The following OGN variants were observed in gnomAD, a reference collection of about 807,000 sequenced individuals.
OGN encodes the protein mimecan.
A neutral mutation model predicts 30.8 loss-of-function variants in OGN; 19 were observed. The ratio of observed to expected loss-of-function variants is 0.62; its 90% CI spans 0.43 to 0.90. The LOEUF is 0.90. OGN is among the 40% of genes least tolerant of loss of function. OGN has a pLI of 0.00. For missense variants in OGN, 283 were observed against 349.7 expected, an observed-to-expected ratio of 0.81 and a Z score of 1.52; for synonymous variants, 126 against 128.3, an observed-to-expected ratio of 0.98 and a Z score of 0.12.
At position 92,385,523 on chromosome 9, in the gene OGN, A is replaced by G. The variant is rs1842383071; in HGVS notation, c.*97T>C. 1.0e-6 allele frequency: 1 copy of G among 1,001,704 alleles called. No homozygotes were observed. The highest frequency in any genetic ancestry group is 2.5e-5 in the Admixed American group (1 of 40,750). 62.1% of individuals were successfully genotyped at this position (1,001,704 alleles called of 1,614,324 possible). ...TTAAATTCCTTCAAAATGAGATACA[A>G]GGTTAATATTAAACCAATACTTAAG... On this transcript the variant is annotated 3_prime_UTR_variant, in exon 7 of 7. Transcript: ENST00000375561.
chr9:92,392,469 A>G (rs1266589110), intron 4 of OGN, among the ~76,000 whole-genome samples: 2 of 152,036 alleles, frequency 1.3e-5, no homozygotes, highest in African/African-American at 4.8e-5. Context: ...TAAAAATACA[A>G]ATATTAGCCA....
intron 2 of OGN, among the ~76,000 whole-genome samples, chr9:92,403,017 A>G (rs1202220866): frequency 4.6e-5 from 7 of 152,160 alleles, no homozygotes; most frequent in Admixed American, 3.3e-4. Context: ...TTTGGTTACT[A>G]TAGATACTGT....
chr9:92,392,799 G>A (rs1170582671), intron 4 of OGN, among the ~76,000 whole-genome samples: 1 of 152,192 alleles, frequency 6.6e-6, no homozygotes, highest in Non-Finnish European at 1.5e-5. Flanking sequence ...AGTGTCTGAA[G>A]CAAGGGATCT....
chr9:92,403,473 C>T lies in OGN; in HGVS notation c.-66G>A. On this transcript the variant is annotated 5_prime_UTR_variant, in exon 2 of 7. Coordinates refer to ENST00000375561, the MANE Select transcript of OGN (RefSeq NM_014057.5). ...GGCCTGCTGACTGTGGGACAAAACT[C>T]TCTTTTTCCCTGGAAATAAAAATTC... The T allele has an allele frequency of 2.0e-6, 3 of 1,514,828 alleles. No homozygotes were observed. Among genetic ancestry groups the T allele is most frequent in the African/African-American group, 1.4e-5 (1 of 71,372 alleles). The allele number at this position is 1,514,828 out of a possible 1,614,324, so 93.8% of individuals were successfully genotyped here.
intron 3 of OGN, among the ~76,000 whole-genome samples, chr9:92,400,611 T>A (rs1369158877): frequency 6.6e-6 from 1 of 152,192 alleles, no homozygotes; most frequent in Non-Finnish European, 1.5e-5. Flanking sequence ...TGTGATAGAG[T>A]AAGAGTAAGC....
Position 92,385,651 on chromosome 9 carries a change from A to T in OGN, c.866T>A (p.Leu289Ter). ...LGKHPNSFIC[L>*]KRLPIGSYF ...GTATGACCCTATCGGTAATCTTTTT[A>T]AGCAAATAAAACTGTTTGGATGCTT... is the stretch of plus-strand genomic sequence containing the variant. The change falls in exon 7 of 7, where the codon TTA becomes TAA. Residue 289 changes from leucine (L) to a stop codon, truncating the protein, a stop_gained. Coordinates refer to ENST00000375561, the MANE Select transcript of OGN (RefSeq NM_014057.5). LOFTEE classifies it high-confidence loss of function. 6.2e-7 allele frequency: 1 copy of T among 1,614,176 alleles called. No individual in the cohort carries two copies. Among genetic ancestry groups the T allele is most frequent in the East Asian group, 2.2e-5 (1 of 44,884 alleles).
intron 4 of OGN, among the ~76,000 whole-genome samples, chr9:92,390,430 T>C (rs1392042831): frequency 6.6e-6 from 1 of 152,212 alleles, no homozygotes; most frequent in Non-Finnish European, 1.5e-5. Context: ...TTTTATTTTT[T>C]TGCTGGCATG....
chr9:92,390,103 A>G lies in OGN; in HGVS notation c.428-47T>C, dbSNP rs981787701. 19 of 1,109,674 alleles carry G rather than the reference A, an allele frequency of 1.7e-5. No homozygotes were observed. The Admixed American group carries it at 2.7e-4, about 16-fold the overall frequency. 68.7% of individuals were successfully genotyped at this position (1,109,674 alleles called of 1,614,324 possible). ...AAACAACTACGTAAGTAAAATTCTT[A>G]TTGTATGGACTGAAGAAAAGCATTT... On this transcript the variant is annotated intron_variant, in intron 4 of 6. Coordinates refer to ENST00000375561, the MANE Select transcript of OGN (RefSeq NM_014057.5).
chr9:92,393,692 C>T (rs1842779071), intron 3 of OGN, among the ~76,000 whole-genome samples: 1 of 152,092 alleles, frequency 6.6e-6, no homozygotes, highest in Admixed American at 6.5e-5. Context: ...CCTTTAGCAC[C>T]CCAAGTCATT....
chr9:92,393,807 C>A (rs550098099), intron 3 of OGN, among the ~76,000 whole-genome samples: 1 of 148,018 alleles, frequency 6.8e-6, no homozygotes, highest in East Asian at 2.0e-4. Flanking sequence ...GTTTAGTTTT[C>A]TTTTTCAGGG....
rs1588104770 is a variant in OGN at position 92,403,500 on chromosome 9, G to T, written c.-75-18C>A. ...CTTTTTCCCTGGAAATAAAAATTCA[G>T]ACCATCGAAGCAATATTTAAAAGCT... On this transcript the variant is annotated intron_variant, in intron 1 of 6. Transcript: ENST00000375561. The T allele has an allele frequency of 3.4e-6, 5 of 1,483,224 alleles. No homozygotes were observed. The highest frequency in any genetic ancestry group is 4.5e-6 in the Non-Finnish European group (5 of 1,119,570). 91.9% of individuals were successfully genotyped at this position (1,483,224 alleles called of 1,614,324 possible). A position where few individuals can be genotyped will look rare whatever the true frequency, so the allele number is the denominator to read the frequency against.
intron 4 of OGN, among the ~76,000 whole-genome samples, chr9:92,391,522 C>G (rs1315399153): frequency 6.6e-6 from 1 of 152,072 alleles, no homozygotes; most frequent in Non-Finnish European, 1.5e-5. Context: ...TCCCTTGAAC[C>G]CAGGAGGCAG....
Position 92,385,641 on chromosome 9 carries a change from T to C in OGN, c.876A>G (p.Leu292=). The C allele has an allele frequency of 6.2e-7, 1 of 1,614,136 alleles. No homozygotes were observed. The highest frequency in any genetic ancestry group is 8.5e-7 in the Non-Finnish European group (1 of 1,179,966). The change falls in exon 7 of 7, where the codon TTA becomes TTG. Residue 292 remains leucine (L), a synonymous_variant. Transcript: ENST00000375561. ...HPNSFICLKR[L]PIGSYF is the part of the protein sequence containing the mutation. ...GAGGTTAAAAGTATGACCCTATCGGTAATCTTTTTAAGCAAATAAAACTGT... is the reference window on the plus strand; with the variant it reads ...GAGGTTAAAAGTATGACCCTATCGGCAATCTTTTTAAGCAAATAAAACTGT...
rs888505213 is a variant in OGN at position 92,384,136 on chromosome 9, A to G, written c.*1484T>C. 5 of 152,214 alleles carry G rather than the reference A, an allele frequency of 3.3e-5. No individual in the cohort carries two copies. The highest frequency in any genetic ancestry group is 1.2e-4 in the African/African-American group (5 of 41,472). 9.4% of individuals were successfully genotyped at this position (152,214 alleles called of 1,614,324 possible). ...GCACACAAAATAACGAGAAAGTAGT[A>G]TAATAGCTGTGATCATTAGTTATCA... On this transcript the variant is annotated 3_prime_UTR_variant, in exon 7 of 7. Transcript: ENST00000375561.
Position 92,403,247 on chromosome 9 carries a change from C to A in OGN, c.161G>T (p.Gly54Val), listed in dbSNP as rs961051620. 1.8e-5 allele frequency: 28 copies of A among 1,569,050 alleles called. No homozygotes were observed. Among genetic ancestry groups the A allele is most frequent in the Non-Finnish European group, 2.3e-5 (27 of 1,149,126 alleles). The part of the protein sequence containing the change: ...SQDYEDKYLD[G>V]KNIKEKETVI... The stretch of plus-strand genomic sequence containing the variant: ...GAAATAAAGTACCTTAATATTTTTT[C>A]CATCCAGGTATTTATCCTCATAATC... The change falls in exon 2 of 7, where the codon GGA becomes GTA. Residue 54 changes from glycine (G) to valine (V), a missense_variant. By Grantham distance (109) the Gly-to-Val change is moderately radical (BLOSUM62 -3). Transcript: ENST00000375561.
At position 92,393,091 on chromosome 9, in the gene OGN, T is replaced by G; in HGVS notation, c.422A>C (p.Asp141Ala). The G allele has an allele frequency of 6.2e-7, 1 of 1,612,870 alleles. No homozygotes were observed. Among genetic ancestry groups the G allele is most frequent in the South Asian group, 1.1e-5 (1 of 90,680 alleles). Reference sequence around the variant, plus strand: ...CATATTTCAGCTTAACTTACGTATGTCTGCAAAATCTTTGGCAGTCAGCTT... The same window carrying G: ...CATATTTCAGCTTAACTTACGTATGGCTGCAAAATCTTTGGCAGTCAGCTT... ...IKKLTAKDFA[D>A]IPNLRRLDFT... Residue 141 changes from aspartate to alanine, a missense_variant, in exon 4 of 7, where the codon GAC becomes GCC. Asp to Ala is a moderately radical substitution (Grantham distance 126). Coordinates refer to ENST00000375561, the MANE Select transcript of OGN (RefSeq NM_014057.5).
rs142930064 is a variant in OGN at position 92,390,616 on chromosome 9, C to T, written c.428-560G>A. Among the ~76,000 whole-genome samples, 59 of 151,462 alleles carry T rather than the reference C, an allele frequency of 3.9e-4. No homozygotes were observed. In the East Asian group the frequency reaches 5.4e-3, roughly 14 times the overall value. On this transcript the variant is annotated intron_variant, in intron 4 of 6. Transcript: ENST00000375561. The stretch of plus-strand genomic sequence containing the variant: ...CGCGCGCGTACTTGCGTGTGCATCA[C>T]GTATATCTGGGATAATTAGGAAATC...
chr9:92,396,734 C>A (rs1842907691), intron 3 of OGN, among the ~76,000 whole-genome samples: 1 of 151,696 alleles, frequency 6.6e-6, no homozygotes, highest in African/African-American at 2.4e-5. Flanking sequence ...CTGGCTTTTT[C>A]TTGGTTAAAT....
At chr9:92,403,069 A>G (rs189656438) in intron 2 of OGN, among the ~76,000 whole-genome samples, 165 bp downstream of exon 2, 56 of 152,312 alleles carry the variant, frequency 3.7e-4, no homozygotes, top group African/African-American at 1.3e-3. Context: ...GAAAGCATAC[A>G]TACTCTAAAA....
Sources: gnomAD v4.1 joint callset for allele counts (sites outside exome capture counted in the v4.1 genomes callset) on GRCh38, gnomAD v4.1.1 for gene constraint, MANE v1.5 for transcripts, NCBI Gene and HGNC (gene_info 2026-07-23, HGNC 2026-07-21) for gene names.